Variants in ALOX5AP observed in about 807,000 individuals in gnomAD.
The protein encoded by ALOX5AP is arachidonate 5-lipoxygenase-activating protein.
Under a neutral mutation model 18.5 loss-of-function variants are expected in ALOX5AP, and 9 were observed. The observed-to-expected ratio is 0.49, with a 90% confidence interval of 0.29 to 0.85. ALOX5AP has a LOEUF of 0.85. Ranked by LOEUF, ALOX5AP falls within the 40% of genes least tolerant of loss-of-function variation. ALOX5AP has a pLI of 0.08. For synonymous variants in ALOX5AP, 81 were observed against 78.6 expected (o/e 1.03, Z -0.16); for missense variants, 172 against 202.5 (o/e 0.85, Z 0.91).
intron 1 of ALOX5AP, among the ~76,000 whole-genome samples, chr13:30,737,413 G>A (rs1406701074): frequency 1.3e-5 from 2 of 152,238 alleles, no homozygotes; most frequent in East Asian, 1.9e-4. Context: ...GGTGAGTGGT[G>A]AGATTTCGAA....
intron 4 of ALOX5AP, among the ~76,000 whole-genome samples, chr13:30,761,008 A>G (rs184872515): frequency 1.2e-3 from 190 of 152,292 alleles, no homozygotes; most frequent in Admixed American, 2.4e-3. Flanking sequence ...TTCCCTGCTC[A>G]CAGCATTTCA....
intron 3 of ALOX5AP, among the ~76,000 whole-genome samples, chr13:30,753,686 G>A (rs1051076107): frequency 1.3e-5 from 2 of 152,182 alleles, no homozygotes; most frequent in South Asian, 4.1e-4. Context: ...TGGCTTGAAC[G>A]AACATCAGAA....
rs768197433 is a variant in ALOX5AP at position 30,744,198 on chromosome 13, T to C, written c.170+39T>C. 5.7e-6 allele frequency: 9 copies of C among 1,580,252 alleles called. No individual in the cohort carries two copies. In the South Asian group the frequency reaches 7.8e-5, roughly 14 times the overall value. On this transcript the variant is annotated intron_variant, in intron 2 of 4. Transcript: ENST00000380490. Reference sequence around the variant, plus strand: ...CTGATGTTGCTAATAAGTGGGGGCATGGGCAGGGGGGCCTCCTTCTAGGAG... The same window carrying C: ...CTGATGTTGCTAATAAGTGGGGGCACGGGCAGGGGGGCCTCCTTCTAGGAG...
chr13:30,738,139 T>TGTGTCCCAAG (rs1951735209), intron 1 of ALOX5AP, among the ~76,000 whole-genome samples: 1 of 152,138 alleles, frequency 6.6e-6, no homozygotes. Flanking sequence ...GACAAGGAGG[T>TGTGTCCCAAG]ACAGTTCCAC....
At chr13:30,756,089 C>T (rs1951891524) in intron 4 of ALOX5AP, 64 bp downstream of exon 4, 14 of 1,494,120 alleles carry the variant, frequency 9.4e-6, no homozygotes. Context: ...GGAAGAGTGA[C>T]AATTCAAAAC....
rs149100328 is a variant in ALOX5AP, at chr13:30,721,414, G to A, written c.116+7573G>A. Among the ~76,000 whole-genome samples the A allele has an allele frequency of 6.0e-3, 919 of 152,212 alleles. 10 individuals are homozygous for A. Among genetic ancestry groups the A allele is most frequent in the African/African-American group, 0.021 (861 of 41,516 alleles). On this transcript the variant is annotated intron_variant, in intron 1 of 5. Coordinates refer to the ALOX5AP transcript ENST00000617770. ...GAGGGACTTCTCAGGCAGTGGCCCC[G>A]ACATTTATCTGTTTTTTTAAGTGAG... is the stretch of plus-strand genomic sequence containing the variant.
Position 30,741,559 on chromosome 13 carries a change from C to G in ALOX5AP, c.71-2501C>G, listed in dbSNP as rs1019360042. Among the ~76,000 whole-genome samples the G allele has an allele frequency of 4.7e-4, 51 of 108,186 alleles. 2 individuals carry two copies. The highest frequency in any genetic ancestry group is 1.7e-3 in the African/African-American group (49 of 28,658). The allele number at this position is 108,186 out of a possible 152,430, so 71.0% of individuals were successfully genotyped here. A position where few individuals can be genotyped will look rare whatever the true frequency, so the allele number is the denominator to read the frequency against. ...TTACAGGCCCCTCCCCACCCCCACC[C>G]CCCAACAACTGGCTAATTTTTGTAT... is the stretch of plus-strand genomic sequence containing the variant. On this transcript the variant is annotated intron_variant, in intron 1 of 4. Transcript: ENST00000380490.
At chr13:30,716,921 C>T (rs1273177981) in intron 1 of ALOX5AP, among the ~76,000 whole-genome samples, 2 of 152,226 alleles carry the variant, frequency 1.3e-5, no homozygotes, top group Non-Finnish European at 1.5e-5. Flanking sequence ...GGTCCTCTCC[C>T]GTGGAGTCAC....
intron 1 of ALOX5AP, among the ~76,000 whole-genome samples, chr13:30,736,730 G>A (rs2137803423): frequency 6.6e-6 from 1 of 152,306 alleles, no homozygotes; most frequent in Non-Finnish European, 1.5e-5. Flanking sequence ...CACACTCCAA[G>A]TATGTTTTCT....
rs760571784 is a variant in ALOX5AP, at chr13:30,719,783, G to A, written c.116+5942G>A. ...GAAAAACTCATGTCAGTTCTAATTC[G>A]TGATTGTAATTCAATCACAGCCTGA... On this transcript the variant is annotated intron_variant, in intron 1 of 5. Coordinates refer to the ALOX5AP transcript ENST00000617770. Among the ~76,000 whole-genome samples, 9 of 152,204 alleles carry A rather than the reference G, an allele frequency of 5.9e-5. 1 individual carries two copies. Among genetic ancestry groups the A allele is most frequent in the East Asian group, 1.9e-4 (1 of 5,188 alleles).
At chr13:30,719,530 C>T (rs1165129144) in intron 1 of ALOX5AP, among the ~76,000 whole-genome samples, 3 of 152,222 alleles carry the variant, frequency 2.0e-5, no homozygotes, top group Non-Finnish European at 2.9e-5. Context: ...ATTATCTGCT[C>T]TAGGTATAGA....
At chr13:30,730,743 T>C (rs1235443209), upstream of ALOX5AP, among the ~76,000 whole-genome samples, 1 of 150,364 alleles carries the variant, frequency 6.7e-6, no homozygotes, top group African/African-American at 2.4e-5. Flanking sequence ...GATGGAGGCA[T>C]GTTGATGCGA....
chr13:30,760,139 C>T (rs1951929055), intron 4 of ALOX5AP, among the ~76,000 whole-genome samples: 1 of 152,042 alleles, frequency 6.6e-6, no homozygotes, highest in Non-Finnish European at 1.5e-5. Context: ...TAGAGGTCAC[C>T]AGGCTTAAAA....
chr13:30,735,651 A>G lies in ALOX5AP; in HGVS notation c.46A>G (p.Thr16Ala). ...CAATGTTGTCCTGTTGGCCATCGTC[A>G]CCCTCATCAGCGTGGTCCAGAATGG... ...VGNVVLLAIV[T>A]LISVVQNGFF... is the part of the protein sequence containing the mutation. The change falls in exon 1 of 5, where the codon ACC becomes GCC. Residue 16 changes from threonine to alanine, a missense_variant. Physicochemically the swap from Thr to Ala is moderately conservative, Grantham distance 58 (BLOSUM62 0). Transcript: ENST00000380490. 6.2e-7 allele frequency: 1 copy of G among 1,614,082 alleles called. No individual in the cohort carries two copies. The highest frequency in any genetic ancestry group is 8.5e-7 in the Non-Finnish European group (1 of 1,180,006).
intron 2 of ALOX5AP, among the ~76,000 whole-genome samples, chr13:30,750,375 C>G (rs953372205): frequency 1.3e-5 from 2 of 152,154 alleles, no homozygotes; most frequent in African/African-American, 4.8e-5. Context: ...ATTTCCCTCC[C>G]TTTTTATGCC....
chr13:30,744,362 G>A (rs1159076022), intron 2 of ALOX5AP: 2 of 520,324 alleles, frequency 3.8e-6, no homozygotes, highest in Non-Finnish European at 7.0e-6. Context: ...AAAACAAAGG[G>A]AGTGGGGATA....
chr13:30,759,577 A>G (rs908941084), intron 4 of ALOX5AP, among the ~76,000 whole-genome samples: 2 of 152,212 alleles, frequency 1.3e-5, no homozygotes, highest in African/African-American at 4.8e-5. Flanking sequence ...GACCAAATAT[A>G]TTCAACTTAC....
rs528820428 is a variant in ALOX5AP, at chr13:30,726,384, G to A, written c.117-9167G>A. On this transcript the variant is annotated intron_variant, in intron 1 of 5. Coordinates refer to the ALOX5AP transcript ENST00000617770. ...CCTAGTACACAGAGGACTGATCATG[G>A]TCCAGGCCCTTCAGGAATGAAGATT... is the stretch of plus-strand genomic sequence containing the variant. Among the ~76,000 whole-genome samples, 4 of 152,300 alleles carry A rather than the reference G, an allele frequency of 2.6e-5. No homozygotes were observed. The East Asian group carries it at 5.8e-4, about 22-fold the overall frequency.
upstream of ALOX5AP, among the ~76,000 whole-genome samples, chr13:30,732,277 G>A (rs1171848201): frequency 6.6e-6 from 1 of 152,174 alleles, no homozygotes; most frequent in African/African-American, 2.4e-5. Flanking sequence ...AGAAGGTGTG[G>A]GGTCCCTGCG....
Sources: allele counts gnomAD v4.1 joint callset (sites outside exome capture counted in the v4.1 genomes callset), GRCh38; gene constraint gnomAD v4.1.1; transcripts MANE v1.5; gene names NCBI Gene and HGNC (gene_info 2026-07-23, HGNC 2026-07-21).